EPB41L1: variants seen among roughly 807,000 people sequenced by gnomAD.
EPB41L1 encodes erythrocyte membrane protein band 4.1 like 1.
A neutral mutation model predicts 97.8 loss-of-function variants in EPB41L1; 29 were observed. The observed-to-expected ratio is 0.30, with a 90% confidence interval of 0.22 to 0.40. The LOEUF (loss-of-function observed/expected upper bound fraction) is 0.40, where lower values mean the gene tolerates loss of function less well. EPB41L1 is among the 10% of genes least tolerant of loss of function. The pLI is 1.00. For missense variants in EPB41L1, 812 were observed against 1,162.3 expected, an observed-to-expected ratio of 0.70 and a Z score of 4.38; for synonymous variants, 383 against 459.2, an observed-to-expected ratio of 0.83 and a Z score of 2.12.
intron 2 of EPB41L1, among the ~76,000 whole-genome samples, chr20:36,126,224 C>G (rs2058960523): frequency 6.6e-6 from 1 of 152,098 alleles, no homozygotes; most frequent in African/African-American, 2.4e-5. Flanking sequence ...GTGCATACCT[C>G]CTAAGGAGGG....
intron 1 of EPB41L1, among the ~76,000 whole-genome samples, chr20:36,106,070 G>T (rs188870001): frequency 4.2e-5 from 6 of 144,296 alleles, no homozygotes; most frequent in Non-Finnish European, 7.4e-5. Context: ...GGGGAGGTGT[G>T]GGGGAGGGCA....
Position 36,092,206 on chromosome 20 carries a change from G to A in EPB41L1, c.-65+594G>A, listed in dbSNP as rs905256652. On this transcript the variant is annotated intron_variant, in intron 1 of 19. Coordinates refer to the EPB41L1 transcript ENST00000202028. The surrounding 1 kb of genome is among the most constrained non-coding windows in gnomAD (Gnocchi z 7.0). The stretch of plus-strand genomic sequence containing the variant: ...TGGAGGTAGACGAGGTCGGCGAGCT[G>A]GGCGCGGGGCCGCGGGGTTACCCCG... 2.0e-5 allele frequency among the ~76,000 whole-genome samples: 3 copies of A among 152,218 alleles called. No homozygotes were observed. The highest frequency in any genetic ancestry group is 7.2e-5 in the African/African-American group (3 of 41,466).
At position 36,207,689 on chromosome 20, in the gene EPB41L1, C is replaced by A; in HGVS notation, c.1669-1799C>A. ...ACCAGACACTTCAGGGAGGACACTTCTGCATCCTACCAGGAAGCACACACG... is the reference window on the plus strand; with the variant it reads ...ACCAGACACTTCAGGGAGGACACTTATGCATCCTACCAGGAAGCACACACG... On this transcript the variant is annotated intron_variant, in intron 14 of 21. Coordinates refer to ENST00000338074, the MANE Select transcript of EPB41L1 (RefSeq NM_012156.2). The surrounding 1 kb of genome is among the most constrained non-coding windows in gnomAD (Gnocchi z 4.9). 7.8e-7 allele frequency: 1 copy of A among 1,290,156 alleles called. No homozygotes were observed. Among genetic ancestry groups the A allele is most frequent in the South Asian group, 1.2e-5 (1 of 81,036 alleles). The allele number at this position is 1,290,156 out of a possible 1,614,324, so 79.9% of individuals were successfully genotyped here. A position where few individuals can be genotyped will look rare whatever the true frequency, so the allele number is the denominator to read the frequency against.
intron 2 of EPB41L1, among the ~76,000 whole-genome samples, chr20:36,147,805 G>T (rs1003325682): frequency 6.6e-6 from 1 of 152,106 alleles, no homozygotes; most frequent in Non-Finnish European, 1.5e-5. Flanking sequence ...GCTCTCTTCT[G>T]ACTGCAAGGA....
intron 2 of EPB41L1, among the ~76,000 whole-genome samples, chr20:36,143,668 C>A (rs926209988): frequency 6.6e-6 from 1 of 151,826 alleles, no homozygotes; most frequent in Non-Finnish European, 1.5e-5. Flanking sequence ...GCTTCATGAG[C>A]TCTCTTGATA....
chr20:36,183,633 A>T (rs565425363), intron 6 of EPB41L1, among the ~76,000 whole-genome samples: 76 of 152,332 alleles, frequency 5.0e-4, no homozygotes, highest in African/African-American at 1.8e-3. Context: ...GCCCCAGGAG[A>T]TGGGTGCTAT....
chr20:36,220,915 C>T (rs2063743110), intron 19 of EPB41L1, among the ~76,000 whole-genome samples: 1 of 152,228 alleles, frequency 6.6e-6, no homozygotes, highest in Non-Finnish European at 1.5e-5. Flanking sequence ...TGGTCAGTTG[C>T]ACTGGGCCTT....
In EPB41L1 at chr20:36,232,763, A is replaced by G. The variant is rs914365347; in HGVS notation, c.*3423A>G. On this transcript the variant is annotated 3_prime_UTR_variant, in exon 22 of 22. Transcript: ENST00000338074. ...TGTGCTCTCTGTTCTTGTATACTCA[A>G]TATAAGTGAAATAAATGTGTTTGAT... is the stretch of plus-strand genomic sequence containing the variant. 1 of 398,440 alleles carries G rather than the reference A, an allele frequency of 2.5e-6. No homozygotes were observed. The highest frequency in any genetic ancestry group is 4.4e-6 in the Non-Finnish European group (1 of 226,058). 24.7% of individuals were successfully genotyped at this position (398,440 alleles called of 1,614,324 possible).
chr20:36,154,810 C>T lies in EPB41L1; in HGVS notation c.-101C>T, dbSNP rs2060219543. The stretch of plus-strand genomic sequence containing the variant: ...CCGCAGAGCCCGCCGCGACCCCGCG[C>T]CGCCCCGCCCCGCGGCCTGCCTGCC... On this transcript the variant is annotated 5_prime_UTR_variant, in exon 1 of 22. Transcript: ENST00000338074. The surrounding 1 kb of genome is among the most constrained non-coding windows in gnomAD (Gnocchi z 5.5). 1 of 991,168 alleles carries T rather than the reference C, an allele frequency of 1.0e-6. No individual in the cohort carries two copies. The highest frequency in any genetic ancestry group is 1.7e-5 in the African/African-American group (1 of 57,322). The allele number at this position is 991,168 out of a possible 1,614,324, so 61.4% of individuals were successfully genotyped here. A position where few individuals can be genotyped will look rare whatever the true frequency, so the allele number is the denominator to read the frequency against.
chr20:36,204,010 C>T (rs902157047), intron 14 of EPB41L1, among the ~76,000 whole-genome samples: 29 of 152,176 alleles, frequency 1.9e-4, no homozygotes, highest in African/African-American at 6.8e-4. Context: ...CCTTCCCCCT[C>T]CTGCTGCCAG....
In EPB41L1 at chr20:36,190,460, C is replaced by A; in HGVS notation, c.1124+86C>A. On this transcript the variant is annotated intron_variant, in intron 10 of 21. Transcript: ENST00000338074. The surrounding 1 kb of genome is among the most constrained non-coding windows in gnomAD (Gnocchi z 5.8). ...GCAGGGGGAGGAGTTAGTGAGAACT[C>A]TAGGAAAGTCCTCCACCCTTTCCCC... is the stretch of plus-strand genomic sequence containing the variant. 6.5e-7 allele frequency: 1 copy of A among 1,533,016 alleles called. No individual in the cohort carries two copies. Among genetic ancestry groups the A allele is most frequent in the Admixed American group, 1.8e-5 (1 of 55,450 alleles). The allele number at this position is 1,533,016 out of a possible 1,614,324, so 95.0% of individuals were successfully genotyped here.
intron 21 of EPB41L1, among the ~76,000 whole-genome samples, chr20:36,226,577 C>A (rs1042101395): frequency 1.3e-5 from 2 of 152,210 alleles, no homozygotes; most frequent in African/African-American, 4.8e-5. Context: ...ACCACACCCA[C>A]TTTTCATAAC....
chr20:36,155,804 G>C, intron 1 of EPB41L1: 1 of 375,318 alleles, frequency 2.7e-6, no homozygotes, highest in Non-Finnish European at 5.4e-6. Flanking sequence ...TTCTGGATCC[G>C]CATAGCACCT....
intron 2 of EPB41L1, among the ~76,000 whole-genome samples, chr20:36,123,348 T>C (rs947521516): frequency 6.6e-6 from 1 of 152,200 alleles, no homozygotes; most frequent in African/African-American, 2.4e-5. Flanking sequence ...GAAAATTGTG[T>C]ACTTTCGCTG....
In EPB41L1 at chr20:36,154,821, C is replaced by T. The variant is rs978569478; in HGVS notation, c.-90C>T. 2.0e-6 allele frequency: 2 copies of T among 993,336 alleles called. No individual in the cohort carries two copies. The highest frequency in any genetic ancestry group is 4.3e-5 in the South Asian group (1 of 23,062). The allele number at this position is 993,336 out of a possible 1,614,324, so 61.5% of individuals were successfully genotyped here. On this transcript the variant is annotated 5_prime_UTR_variant, in exon 1 of 22. Transcript: ENST00000338074. This position sits in a 1 kb window ranked among gnomAD's most constrained non-coding sequence, Gnocchi z 5.5. ...GCCGCGACCCCGCGCCGCCCCGCCC[C>T]GCGGCCTGCCTGCCAGAGGAGCCGA... is the stretch of plus-strand genomic sequence containing the variant.
chr20:36,130,822 T>TC (rs988174738), intron 2 of EPB41L1, among the ~76,000 whole-genome samples: 2 of 151,694 alleles, frequency 1.3e-5, no homozygotes, highest in African/African-American at 2.4e-5. Flanking sequence ...TCTCTTTTTT[T>TC]CCCCGAGACA....
intron 6 of EPB41L1, among the ~76,000 whole-genome samples, chr20:36,183,524 CT>C (rs1555861959): frequency 6.6e-6 from 1 of 152,194 alleles, no homozygotes; most frequent in Non-Finnish European, 1.5e-5. Context: ...CTCAATCCCC[CT>C]GGTCTTCCCT....
intron 2 of EPB41L1, among the ~76,000 whole-genome samples, chr20:36,132,578 G>GC: frequency 7.9e-6 from 1 of 126,186 alleles, no homozygotes; most frequent in African/African-American, 2.8e-5. Context: ...GGGGGGGGGG[G>GC]GCGCATTATT....
At chr20:36,200,834 C>G (rs1342105996) in intron 14 of EPB41L1, 1 of 454,122 alleles carries the variant, frequency 2.2e-6, no homozygotes, top group East Asian at 7.0e-5. Flanking sequence ...TCCCTTCCTC[C>G]CTCTTTCCCT....
Sources: allele counts gnomAD v4.1 joint callset (sites outside exome capture counted in the v4.1 genomes callset), GRCh38; gene constraint gnomAD v4.1.1; non-coding constraint Gnocchi (gnomAD v3.1); transcripts MANE v1.5; gene names NCBI Gene and HGNC (gene_info 2026-07-23, HGNC 2026-07-21).